SORBS2: variants seen among roughly 807,000 people sequenced by gnomAD.
SORBS2 encodes sorbin and SH3 domain containing 2, also known as sorbin and SH3 domain-containing protein 2.
Under a neutral mutation model 97.7 loss-of-function variants are expected in SORBS2, and 46 were observed. The observed-to-expected ratio is 0.47, with a 90% CI of 0.37 to 0.60. The LOEUF is 0.60. Among genes scored for constraint, SORBS2 ranks in the 20% least tolerant of loss-of-function variants. The pLI is 0.00. For synonymous variants in SORBS2, 476 were observed against 473.4 expected, an observed-to-expected ratio of 1.01 and a Z score of -0.07; for missense variants, 1,316 against 1,282.3, an observed-to-expected ratio of 1.03 and a Z score of -0.40.
intron 1 of SORBS2, among the ~76,000 whole-genome samples, chr4:185,839,592 ACTCCAAG>A (rs1435643167): frequency 6.6e-6 from 1 of 152,026 alleles, no homozygotes; most frequent in Non-Finnish European, 1.5e-5. Context: ...AGAGGAATGT[ACTCCAAG>A]CTTTATGTGC....
intron 5 of SORBS2, among the ~76,000 whole-genome samples, chr4:185,627,948 T>G (rs149724671): frequency 6.6e-6 from 1 of 152,320 alleles, no homozygotes; most frequent in African/African-American, 2.4e-5. Context: ...CCTCTCAGGT[T>G]GGCTTCCTGC....
At chr4:185,773,836 G>C (rs534299938) in intron 2 of SORBS2, 14 of 152,232 alleles carry the variant, frequency 9.2e-5, no homozygotes, top group Non-Finnish European at 2.1e-4. Flanking sequence ...TGATTGAATG[G>C]CTAGTAAGTG....
intron 1 of SORBS2, among the ~76,000 whole-genome samples, chr4:185,834,848 T>C (rs2099207124): frequency 6.6e-6 from 1 of 152,196 alleles, no homozygotes; most frequent in South Asian, 2.1e-4. Flanking sequence ...AAAATGCACC[T>C]AACATGCAAA....
At chr4:185,865,743 T>C (rs1397467806) in intron 1 of SORBS2, among the ~76,000 whole-genome samples, 4 of 152,240 alleles carry the variant, frequency 2.6e-5, no homozygotes, top group Admixed American at 2.0e-4. Flanking sequence ...CCTCTGGTTC[T>C]GGTCTCAGAG....
chr4:185,914,410 C>T (rs1379307647), intron 1 of SORBS2, among the ~76,000 whole-genome samples: 1 of 152,148 alleles, frequency 6.6e-6, no homozygotes, highest in Non-Finnish European at 1.5e-5. Flanking sequence ...TTCATTATTT[C>T]ACCCTCATAA....
rs962162358 is a variant in SORBS2, at chr4:185,937,937, C to T, written c.-338+18259G>A. Among the ~76,000 whole-genome samples, 46 of 152,076 alleles carry T rather than the reference C, an allele frequency of 3.0e-4. 1 individual carries two copies. The highest frequency in any genetic ancestry group is 3.9e-4 in the Admixed American group (6 of 15,266). On this transcript the variant is annotated intron_variant, in intron 1 of 20. Coordinates refer to the SORBS2 transcript ENST00000284776. ...AACTCAGTGTCATCTTTGGAAATAG[C>T]AGCTCACACCACTACTGCTGTTCAG...
intron 4 of SORBS2, chr4:185,677,560 G>A (rs200601848): frequency 4.6e-5 from 71 of 1,546,264 alleles, no homozygotes; most frequent in Non-Finnish European, 5.8e-5. Flanking sequence ...GTTACTAACT[G>A]GTCTAAAATG....
chr4:185,944,868 G>A (rs916860270), intron 1 of SORBS2, among the ~76,000 whole-genome samples: 1 of 151,424 alleles, frequency 6.6e-6, no homozygotes, highest in African/African-American at 2.4e-5. Flanking sequence ...GATTAGCATC[G>A]CTACCAACAG....
chr4:185,660,819 A>G (rs907253155), upstream of SORBS2, among the ~76,000 whole-genome samples: 1 of 152,114 alleles, frequency 6.6e-6, no homozygotes, highest in African/African-American at 2.4e-5. Context: ...GAGGTGCAGG[A>G]TGGTGCTGCT....
intron 5 of SORBS2, among the ~76,000 whole-genome samples, chr4:185,629,210 A>G (rs917467328): frequency 6.6e-5 from 10 of 152,186 alleles, no homozygotes; most frequent in Non-Finnish European, 8.8e-5. Flanking sequence ...AAGAGGATGC[A>G]TCTCCTAGAC....
chr4:185,627,101 T>A, intron 5 of SORBS2, 82 bp from the exon 18 acceptor site: 1 of 1,224,236 alleles, frequency 8.2e-7, no homozygotes. Context: ...AACGTGCTAG[T>A]GACAATGGCG....
intron 2 of SORBS2, among the ~76,000 whole-genome samples, chr4:185,650,137 G>T (rs1271992930): frequency 1.3e-5 from 2 of 152,204 alleles, no homozygotes; most frequent in Non-Finnish European, 2.9e-5. Context: ...TGTTTATAAA[G>T]TGCTGTGCAA....
At chr4:185,812,485 T>G (rs2099188450) in intron 1 of SORBS2, among the ~76,000 whole-genome samples, 1 of 152,352 alleles carries the variant, frequency 6.6e-6, no homozygotes, top group South Asian at 2.1e-4. Context: ...GCCGGGGCTA[T>G]GTATGAAATC....
chr4:185,827,297 TCATCACCATCATCAC>T (rs2099201183), intron 1 of SORBS2, among the ~76,000 whole-genome samples: 2 of 67,036 alleles, frequency 3.0e-5, no homozygotes, highest in Non-Finnish European at 3.4e-5. Context: ...ACCATCATCA[TCATCACCATCATCAC>T]CATCATCACC....
At chr4:185,900,599 GA>G (rs897710853) in intron 1 of SORBS2, among the ~76,000 whole-genome samples, 12 of 151,750 alleles carry the variant, frequency 7.9e-5, no homozygotes, top group African/African-American at 2.7e-4. Context: ...TATAGAGAGA[GA>G]AAAAAAATTC....
chr4:185,752,298 CAG>C (rs2098805060), intron 2 of SORBS2, among the ~76,000 whole-genome samples: 1 of 152,060 alleles, frequency 6.6e-6, no homozygotes, highest in South Asian at 2.1e-4. Context: ...TTATATGAGA[CAG>C]AGTCTCGCTC....
intron 2 of SORBS2, among the ~76,000 whole-genome samples, chr4:185,698,234 G>T (rs1197645306): frequency 6.6e-6 from 1 of 152,180 alleles, no homozygotes; most frequent in Non-Finnish European, 1.5e-5. Flanking sequence ...CCAGCACTTT[G>T]GGAGGCCGAG....
At position 185,726,872 on chromosome 4, in the gene SORBS2, G is replaced by T. The variant is rs1178470017; in HGVS notation, c.-197-48050C>A. Among the ~76,000 whole-genome samples, 3 of 152,152 alleles carry T rather than the reference G, an allele frequency of 2.0e-5. No homozygotes were observed. The East Asian group carries it at 5.8e-4, about 29-fold the overall frequency. ...GGAGATGCATCCGGGAGGAGGGTCT[G>T]TTTTAGCACATTTGGGCATGCATCT... is the stretch of plus-strand genomic sequence containing the variant. On this transcript the variant is annotated intron_variant, in intron 2 of 20. Coordinates refer to the SORBS2 transcript ENST00000284776.
At chr4:185,713,565 GT>G (rs1468503468) in intron 2 of SORBS2, among the ~76,000 whole-genome samples, 1 of 152,186 alleles carries the variant, frequency 6.6e-6, no homozygotes, top group Non-Finnish European at 1.5e-5. Context: ...ACACAGGGTA[GT>G]TAGGGGAAGG....
Sources: allele counts gnomAD v4.1 joint callset (sites outside exome capture counted in the v4.1 genomes callset), GRCh38; gene constraint gnomAD v4.1.1; transcripts MANE v1.5; gene names NCBI Gene and HGNC (gene_info 2026-07-23, HGNC 2026-07-21).